The following CORIN variants were observed in gnomAD, a reference collection of about 807,000 sequenced individuals.
The protein encoded by CORIN is atrial natriuretic peptide-converting enzyme.
Under a neutral mutation model 125.3 loss-of-function variants are expected in CORIN, and 117 were observed. That is an observed-to-expected ratio of 0.93 (90% CI 0.80 to 1.09). The LOEUF is 1.09. CORIN is among the 50% of genes least tolerant of loss of function. The pLI, the probability that CORIN is intolerant of heterozygous loss-of-function variation, is 0.00. For missense variants in CORIN, 1,253 were observed against 1,306.7 expected, an observed-to-expected ratio of 0.96 and a Z score of 0.63; for synonymous variants, 450 against 466.4, an observed-to-expected ratio of 0.96 and a Z score of 0.45.
chr4:47,654,533 T>C (rs1723877553), intron 12 of CORIN, among the ~76,000 whole-genome samples: 1 of 152,132 alleles, frequency 6.6e-6, no homozygotes, highest in African/African-American at 2.4e-5. Flanking sequence ...TTGTGGGACT[T>C]TGCATTGGAA....
At chr4:47,825,635 ACTTAC>A (rs1235549637) in intron 1 of CORIN, among the ~76,000 whole-genome samples, 1 of 151,512 alleles carries the variant, frequency 6.6e-6, no homozygotes, top group African/African-American at 2.4e-5. Context: ...ACATTTTTAC[ACTTAC>A]CAGAAAAAAA....
chr4:47,595,717 A>G lies in CORIN; in HGVS notation c.*4T>C, dbSNP rs1389135394. The G allele has an allele frequency of 4.4e-6, 7 of 1,593,300 alleles. No homozygotes were observed. Among genetic ancestry groups the G allele is most frequent in the Non-Finnish European group, 6.0e-6 (7 of 1,172,776 alleles). The stretch of plus-strand genomic sequence containing the variant: ...CTGGCAAAAGTCTCTGATCATCCTT[A>G]TAATTAGTTTAGGAGAAAGGTCTGG... On this transcript the variant is annotated 3_prime_UTR_variant, in exon 22 of 22. Transcript: ENST00000273857.
intron 2 of CORIN, among the ~76,000 whole-genome samples, chr4:47,806,611 A>G (rs1472452014): frequency 6.6e-6 from 1 of 152,142 alleles, no homozygotes; most frequent in Admixed American, 6.5e-5. Context: ...TGAGCTCCTA[A>G]GAAAGGACTA....
At chr4:47,700,778 T>C (rs1726250791) in intron 5 of CORIN, among the ~76,000 whole-genome samples, 1 of 152,180 alleles carries the variant, frequency 6.6e-6, no homozygotes, top group Non-Finnish European at 1.5e-5. Context: ...GTCTCTGCTA[T>C]ATAATGGGAA....
intron 16 of CORIN, among the ~76,000 whole-genome samples, chr4:47,631,680 A>T (rs1722811824): frequency 6.6e-6 from 1 of 152,164 alleles, no homozygotes; most frequent in Non-Finnish European, 1.5e-5. Context: ...ATCCCATCCC[A>T]GTCTGTGGAA....
intron 16 of CORIN, among the ~76,000 whole-genome samples, chr4:47,627,458 A>G (rs1466523957): frequency 1.3e-5 from 2 of 152,238 alleles, no homozygotes; most frequent in South Asian, 2.1e-4. Context: ...TGAATTATAA[A>G]CATTTGATTT....
intron 4 of CORIN, among the ~76,000 whole-genome samples, chr4:47,745,838 C>T (rs1401196601): frequency 6.6e-6 from 1 of 152,136 alleles, no homozygotes; most frequent in African/African-American, 2.4e-5. Flanking sequence ...GATCTTTGTA[C>T]ATAAAAATGG....
At chr4:47,669,858 C>T (rs762409423) in intron 10 of CORIN, among the ~76,000 whole-genome samples, 4 of 152,138 alleles carry the variant, frequency 2.6e-5, no homozygotes, top group South Asian at 2.1e-4. Flanking sequence ...CGTGAGCCAC[C>T]GCACCCGGCT....
At chr4:47,824,346 A>T (rs1408419958) in intron 1 of CORIN, among the ~76,000 whole-genome samples, 1 of 151,546 alleles carries the variant, frequency 6.6e-6, no homozygotes, top group Non-Finnish European at 1.5e-5. Flanking sequence ...CAGTGCTACC[A>T]GGAGGCCAAA....
chr4:47,779,477 C>T (rs965798735), intron 3 of CORIN, among the ~76,000 whole-genome samples: 4 of 150,736 alleles, frequency 2.7e-5, no homozygotes, highest in African/African-American at 9.8e-5. Flanking sequence ...TGCTGTTTCA[C>T]CCAGGCTGGA....
rs761409530 is a variant in CORIN at position 47,786,823 on chromosome 4, T to A, written c.311A>T (p.Asn104Ile). ...TGCAGTAGACACCACAGTGCTCTGG[T>A]TATAAATTGTATTTGTAAGAATAAC... ...SDVILTNTIY[N>I]QSTVVSTAHP... Residue 104 changes from asparagine to isoleucine, a missense_variant, in exon 3 of 22, where the codon AAC becomes ATC. Physicochemically the swap from Asn to Ile is moderately radical, Grantham distance 149. Transcript: ENST00000273857. 6.2e-6 allele frequency: 10 copies of A among 1,613,886 alleles called. No homozygotes were observed. In the Admixed American group the frequency reaches 1.7e-4, roughly 27 times the overall value.
Position 47,595,695 on chromosome 4 carries a change from G to C in CORIN, c.*26C>G, listed in dbSNP as rs1398808885. ...AGGCCATTTTCTTTTAGTGTAGCTG[G>C]CAAAAGTCTCTGATCATCCTTATAA... On this transcript the variant is annotated 3_prime_UTR_variant, in exon 22 of 22. Coordinates refer to ENST00000273857, the MANE Select transcript of CORIN (RefSeq NM_006587.4). 1.3e-6 allele frequency: 2 copies of C among 1,563,622 alleles called. No individual in the cohort carries two copies. Among genetic ancestry groups the C allele is most frequent in the East Asian group, 2.2e-5 (1 of 44,464 alleles).
chr4:47,623,067 A>G (rs1722385472), intron 19 of CORIN, among the ~76,000 whole-genome samples: 1 of 77,514 alleles, frequency 1.3e-5, no homozygotes, highest in African/African-American at 6.6e-5. Context: ...GGCATAACAT[A>G]ACCTCTCTCT....
chr4:47,832,445 C>CTTTTTTT (rs1211972356), intron 1 of CORIN, among the ~76,000 whole-genome samples: 5 of 76,924 alleles, frequency 6.5e-5, no homozygotes, highest in African/African-American at 8.8e-5. Context: ...CTTTTCTTTT[C>CTTTTTTT]TTTTTTTTTT....
At chr4:47,613,407 C>G (rs1289493243) in intron 19 of CORIN, among the ~76,000 whole-genome samples, 1 of 152,060 alleles carries the variant, frequency 6.6e-6, no homozygotes, top group Non-Finnish European at 1.5e-5. Flanking sequence ...GAGCCGAGAC[C>G]GTGCCATTGC....
At chr4:47,773,021 T>A (rs1730131869) in intron 3 of CORIN, among the ~76,000 whole-genome samples, 1 of 152,000 alleles carries the variant, frequency 6.6e-6, no homozygotes, top group Admixed American at 6.6e-5. Flanking sequence ...GAGTTATAAT[T>A]TTTTTTTAAA....
chr4:47,824,653 T>A (rs1732663424), intron 1 of CORIN, among the ~76,000 whole-genome samples: 1 of 152,134 alleles, frequency 6.6e-6, no homozygotes, highest in African/African-American at 2.4e-5. Context: ...TCAAACAGGA[T>A]GGAAACTCAA....
In CORIN at chr4:47,802,199, T is replaced by C. The variant is rs574796784; in HGVS notation, c.208+4704A>G. Among the ~76,000 whole-genome samples the C allele has an allele frequency of 7.2e-5, 11 of 152,246 alleles. No homozygotes were observed. In the South Asian group the frequency reaches 2.3e-3, roughly 32 times the overall value. On this transcript the variant is annotated intron_variant, in intron 2 of 21. Coordinates refer to ENST00000273857, the MANE Select transcript of CORIN (RefSeq NM_006587.4). The stretch of plus-strand genomic sequence containing the variant: ...CGCACATTCCTAGCTGTGGTGGCTA[T>C]GGTGAAAGACTCTTTCTATTAAAAG...
intron 19 of CORIN, among the ~76,000 whole-genome samples, chr4:47,613,434 C>T (rs1250059039): frequency 6.6e-6 from 1 of 152,044 alleles, no homozygotes; most frequent in Non-Finnish European, 1.5e-5. Context: ...GCCTGAGCAA[C>T]AGAGCGAGAC....
Sources: allele counts gnomAD v4.1 joint callset (sites outside exome capture counted in the v4.1 genomes callset), GRCh38; gene constraint gnomAD v4.1.1; transcripts MANE v1.5; gene names NCBI Gene and HGNC (gene_info 2026-07-23, HGNC 2026-07-21).